The following PRDM5 variants were observed in gnomAD, a reference collection of about 807,000 sequenced individuals.
The protein encoded by PRDM5 is PR domain zinc finger protein 5.
In PRDM5, 56 loss-of-function variants were observed where a neutral mutation model predicts 81.2. That is an observed-to-expected ratio of 0.69 (90% CI 0.56 to 0.86). PRDM5 has a LOEUF of 0.86. Ranked by LOEUF, PRDM5 falls within the 40% of genes least tolerant of loss-of-function variation. The probability of loss-of-function intolerance (pLI) is 0.00; values close to 1 mark genes in which losing one functional copy is unlikely to be tolerated. For synonymous variants in PRDM5, 267 were observed against 256.4 expected (o/e 1.04, Z -0.39); for missense variants, 697 against 770.1 (o/e 0.91, Z 1.12).
At chr4:120,811,693 C>T (rs1329835577) in intron 7 of PRDM5, among the ~76,000 whole-genome samples, 1 of 151,876 alleles carries the variant, frequency 6.6e-6, no homozygotes, top group African/African-American at 2.4e-5. Context: ...AGAATAAAGA[C>T]CCAAGCTCCC....
chr4:120,778,692 G>C (rs1019601163), intron 12 of PRDM5, among the ~76,000 whole-genome samples: 1 of 151,764 alleles, frequency 6.6e-6, no homozygotes, highest in Non-Finnish European at 1.5e-5. Flanking sequence ...AAACACAATC[G>C]AATCAACTAC....
At chr4:120,812,416 C>T (rs566606781) in intron 7 of PRDM5, 8 of 159,266 alleles carry the variant, frequency 5.0e-5, no homozygotes, top group Non-Finnish European at 9.4e-5. Flanking sequence ...TCCCCTTTCT[C>T]CACATCCTCT....
chr4:120,708,435 T>G (rs1736501867), intron 15 of PRDM5, among the ~76,000 whole-genome samples: 1 of 152,032 alleles, frequency 6.6e-6, no homozygotes, highest in South Asian at 2.1e-4. Context: ...ATATCTAGAA[T>G]AGGTAAGTCT....
chr4:120,916,342 G>A (rs187715990), intron 1 of PRDM5, among the ~76,000 whole-genome samples: 193 of 152,072 alleles, frequency 1.3e-3, no homozygotes, highest in Middle Eastern at 3.4e-3. Flanking sequence ...AGCTGAGATC[G>A]CACCTCTGCA....
chr4:120,800,315 A>C (rs1282973919), intron 8 of PRDM5, among the ~76,000 whole-genome samples: 1 of 152,162 alleles, frequency 6.6e-6, no homozygotes, highest in East Asian at 1.9e-4. Flanking sequence ...CAGGAGTTCG[A>C]GATCAGCCTG....
chr4:120,731,969 T>C (rs1267271630), intron 14 of PRDM5, among the ~76,000 whole-genome samples: 2 of 152,210 alleles, frequency 1.3e-5, no homozygotes, highest in Admixed American at 6.5e-5. Flanking sequence ...ATTAAGGGTA[T>C]AATTCTGTGA....
chr4:120,699,195 T>C (rs1407390384), intron 15 of PRDM5, among the ~76,000 whole-genome samples: 1 of 76,076 alleles, frequency 1.3e-5, no homozygotes, highest in East Asian at 6.7e-4. Context: ...TATATATATA[T>C]ATATATATAT....
chr4:120,760,703 A>C (rs2149175699), intron 13 of PRDM5, among the ~76,000 whole-genome samples: 1 of 152,276 alleles, frequency 6.6e-6, no homozygotes, highest in South Asian at 2.1e-4. Flanking sequence ...AAGGTGCCAC[A>C]AAGTGGATAC....
At chr4:120,835,529 G>C (rs1028353068) in intron 3 of PRDM5, among the ~76,000 whole-genome samples, 5 of 152,154 alleles carry the variant, frequency 3.3e-5, no homozygotes, top group African/African-American at 7.2e-5. Context: ...TGCTGTTCCT[G>C]TGATAGTGAC....
chr4:120,779,962 T>C (rs1294061423), intron 12 of PRDM5, among the ~76,000 whole-genome samples: 1 of 151,906 alleles, frequency 6.6e-6, no homozygotes, highest in Non-Finnish European at 1.5e-5. Context: ...CTCCTGTATA[T>C]AACTATATCT....
At chr4:120,764,065 G>A (rs1364732062) in intron 13 of PRDM5, among the ~76,000 whole-genome samples, 3 of 151,970 alleles carry the variant, frequency 2.0e-5, no homozygotes, top group South Asian at 2.1e-4. Flanking sequence ...CAAATTAGGG[G>A]AAATCAAATC....
At chr4:120,823,659 C>T (rs1456799084) in intron 3 of PRDM5, among the ~76,000 whole-genome samples, 1 of 152,174 alleles carries the variant, frequency 6.6e-6, no homozygotes, top group African/African-American at 2.4e-5. Flanking sequence ...GTTCTCCTCC[C>T]TACAAACCTC....
intron 2 of PRDM5, among the ~76,000 whole-genome samples, chr4:120,854,755 A>G (rs537782729): frequency 5.3e-5 from 8 of 152,240 alleles, no homozygotes; most frequent in Non-Finnish European, 1.0e-4. Flanking sequence ...TACTAAGAGA[A>G]GGGCTCTATT....
chr4:120,772,273 G>A (rs945035551), intron 13 of PRDM5, among the ~76,000 whole-genome samples: 1 of 152,296 alleles, frequency 6.6e-6, no homozygotes, highest in Middle Eastern at 3.4e-3. Flanking sequence ...TTACTGATAG[G>A]ATGATCTTTT....
intron 14 of PRDM5, among the ~76,000 whole-genome samples, chr4:120,734,251 G>GT (rs200337677): frequency 0.036 from 5,393 of 151,538 alleles, 125 homozygotes; most frequent in African/African-American, 0.061. Flanking sequence ...GGCTTTGTTT[G>GT]TTTGTTTTTT....
At chr4:120,747,319 G>A (rs1378684522) in intron 14 of PRDM5, among the ~76,000 whole-genome samples, 4 of 148,136 alleles carry the variant, frequency 2.7e-5, no homozygotes, top group Non-Finnish European at 6.0e-5. Flanking sequence ...AGCATTGGGA[G>A]ATATACCTAA....
At chr4:120,688,801 C>A (rs1191457747), downstream of PRDM5, among the ~76,000 whole-genome samples, 1 of 152,082 alleles carries the variant, frequency 6.6e-6, no homozygotes. Flanking sequence ...TACTTCTATG[C>A]TGTCTATTCT....
chr4:120,892,646 G>A (rs922683909), intron 2 of PRDM5, among the ~76,000 whole-genome samples: 2 of 152,200 alleles, frequency 1.3e-5, no homozygotes, highest in African/African-American at 4.8e-5. Flanking sequence ...CAGGACCACT[G>A]GGCCGGAAGT....
In PRDM5 at chr4:120,819,636, A is replaced by C. The variant is rs75976279; in HGVS notation, c.476-1109T>G. On this transcript the variant is annotated intron_variant, in intron 4 of 15. Coordinates refer to ENST00000264808, the MANE Select transcript of PRDM5 (RefSeq NM_018699.4). ...GATTCTTTTTACAAAGATAATGAAA[A>C]CTGGTATTTTAATAACTAAAGCAGA... Among the ~76,000 whole-genome samples, 1,310 of 152,270 alleles carry C rather than the reference A, an allele frequency of 8.6e-3. 21 individuals are homozygous for C. The highest frequency in any genetic ancestry group is 0.03 in the African/African-American group (1,242 of 41,564).
Sources: allele counts gnomAD v4.1 joint callset (sites outside exome capture counted in the v4.1 genomes callset), GRCh38; gene constraint gnomAD v4.1.1; transcripts MANE v1.5; gene names NCBI Gene and HGNC (gene_info 2026-07-23, HGNC 2026-07-21).